RIMS2: variants seen among roughly 807,000 people sequenced by gnomAD.
The protein encoded by RIMS2 is regulating synaptic membrane exocytosis 2.
Under a neutral mutation model 174.4 loss-of-function variants are expected in RIMS2, and 59 were observed. The observed-to-expected ratio is 0.34, with a 90% CI of 0.27 to 0.42. The LOEUF (loss-of-function observed/expected upper bound fraction) is 0.42, where lower values mean the gene tolerates loss of function less well. Among genes scored for constraint, RIMS2 ranks in the 10% least tolerant of loss-of-function variants. RIMS2 has a pLI of 1.00. For missense variants in RIMS2, 1,620 were observed against 1,666.3 expected (o/e 0.97, Z 0.48); for synonymous variants, 606 against 572.5 (o/e 1.06, Z -0.84).
At position 103,906,597 on chromosome 8, in the gene RIMS2, G is replaced by A. The variant is rs190180950; in HGVS notation, c.1625-3537G>A. On this transcript the variant is annotated intron_variant, in intron 4 of 23. Coordinates refer to ENST00000504942, the Ensembl canonical transcript of RIMS2. ...GATGTTTTTGCTTTAGTTTCAAATG[G>A]TTAAACAGCTTATGTTTTTTTATTT... 2.6e-5 allele frequency among the ~76,000 whole-genome samples: 4 copies of A among 152,234 alleles called. No individual in the cohort carries two copies. In the East Asian group the frequency reaches 7.7e-4, roughly 29 times the overall value.
At chr8:103,619,999 C>T (rs1468457076) in intron 1 of RIMS2, among the ~76,000 whole-genome samples, 1 of 151,990 alleles carries the variant, frequency 6.6e-6, no homozygotes, top group Non-Finnish European at 1.5e-5. Context: ...TGCATTTTAC[C>T]TATAACAAAC....
intron 14 of RIMS2, among the ~76,000 whole-genome samples, chr8:103,958,699 G>A (rs139114726): frequency 6.6e-6 from 1 of 152,304 alleles, no homozygotes; most frequent in African/African-American, 2.4e-5. Flanking sequence ...AAGCCTCAGT[G>A]AGGAAGCCAA....
intron 16 of RIMS2, among the ~76,000 whole-genome samples, chr8:103,989,021 A>G (rs995786544): frequency 6.6e-6 from 1 of 152,106 alleles, no homozygotes; most frequent in African/African-American, 2.4e-5. Flanking sequence ...GTAGTCATCC[A>G]TATGATGGTT....
intron 1 of RIMS2, among the ~76,000 whole-genome samples, chr8:103,691,670 T>G (rs1184929856): frequency 6.6e-6 from 1 of 152,244 alleles, no homozygotes; most frequent in Admixed American, 6.5e-5. Flanking sequence ...TTTCTGTCTC[T>G]CTGGGATTGG....
intron 19 of RIMS2, among the ~76,000 whole-genome samples, chr8:104,051,480 T>A (rs1435503101): frequency 6.6e-6 from 1 of 151,886 alleles, no homozygotes; most frequent in Non-Finnish European, 1.5e-5. Flanking sequence ...TTTAAGGAAA[T>A]CTGTAAAAAT....
At chr8:104,041,804 A>T (rs1385703505) in intron 19 of RIMS2, among the ~76,000 whole-genome samples, 1 of 151,686 alleles carries the variant, frequency 6.6e-6, no homozygotes, top group Non-Finnish European at 1.5e-5. Context: ...TAATACCCTA[A>T]AAAAGCTATC....
At chr8:103,908,038 G>A (rs370967543) in intron 4 of RIMS2, among the ~76,000 whole-genome samples, 19 of 146,602 alleles carry the variant, frequency 1.3e-4, no homozygotes, top group Admixed American at 6.8e-4. Flanking sequence ...GTAAGCCACC[G>A]CGCCCGGCCT....
chr8:103,548,697 T>C (rs1846202539), intron 1 of RIMS2, among the ~76,000 whole-genome samples: 1 of 151,698 alleles, frequency 6.6e-6, no homozygotes, highest in South Asian at 2.1e-4. Flanking sequence ...AGAAATAAAA[T>C]GCATTTAAAT....
At chr8:103,802,328 A>G (rs950397280) in intron 3 of RIMS2, among the ~76,000 whole-genome samples, 2 of 152,228 alleles carry the variant, frequency 1.3e-5, no homozygotes, top group Non-Finnish European at 2.9e-5. Context: ...CAGATATATT[A>G]GCAGTAGAAG....
Position 104,131,483 on chromosome 8 carries a change from AAT to A in RIMS2, c.3335-113430_3335-113429del, listed in dbSNP as rs547099357. 4.1e-4 allele frequency among the ~76,000 whole-genome samples: 63 copies of A among 152,270 alleles called. No homozygotes were observed. The South Asian group carries it at 0.012, about 29-fold the overall frequency. ...GTTAATTAATACATTATTTAAAATA[AAT>A]ATGTTATATTTGATGATACATAGAC... On this transcript the variant is annotated intron_variant, in intron 19 of 23. Coordinates refer to ENST00000504942, the Ensembl canonical transcript of RIMS2.
intron 1 of RIMS2, among the ~76,000 whole-genome samples, chr8:103,612,230 A>G (rs10096428): frequency 0.06 from 9,092 of 152,214 alleles, 903 homozygotes; most frequent in African/African-American, 0.2. Flanking sequence ...TAAAATAGCT[A>G]TATTGAATTC....
chr8:103,772,988 A>G (rs1191337170), intron 3 of RIMS2, among the ~76,000 whole-genome samples: 1 of 152,174 alleles, frequency 6.6e-6, no homozygotes, highest in Admixed American at 6.5e-5. Flanking sequence ...AAATTATAAA[A>G]CTTCTGGAAG....
intron 19 of RIMS2, among the ~76,000 whole-genome samples, chr8:104,057,222 G>T (rs964532831): frequency 6.6e-6 from 1 of 151,392 alleles, no homozygotes; most frequent in Non-Finnish European, 1.5e-5. Context: ...ACATGCTACC[G>T]CCCCCAGCTA....
chr8:104,151,285 T>A lies in RIMS2; in HGVS notation c.3335-93631T>A, dbSNP rs536253711. On this transcript the variant is annotated intron_variant, in intron 19 of 23. Coordinates refer to ENST00000504942, the Ensembl canonical transcript of RIMS2. ...ATGGATATTGGAAGTATAAGAGGAG[T>A]GGTTGCGGCATGGTGACTGATGCCT... Among the ~76,000 whole-genome samples, 4 of 151,650 alleles carry A rather than the reference T, an allele frequency of 2.6e-5. No individual in the cohort carries two copies. The South Asian group carries it at 8.3e-4, about 32-fold the overall frequency.
intron 2 of RIMS2, among the ~76,000 whole-genome samples, chr8:103,725,246 G>T (rs537190212): frequency 6.6e-6 from 1 of 152,022 alleles, no homozygotes; most frequent in Admixed American, 6.5e-5. Context: ...AGTGTAACTT[G>T]TACATAATAA....
At chr8:103,574,436 C>T (rs777291214) in intron 1 of RIMS2, among the ~76,000 whole-genome samples, 1 of 152,108 alleles carries the variant, frequency 6.6e-6, no homozygotes, top group African/African-American at 2.4e-5. Context: ...ACAGCCTTGT[C>T]CTGAACTCCT....
intron 3 of RIMS2, chr8:103,768,829 G>T: frequency 1.6e-6 from 1 of 627,964 alleles, no homozygotes; most frequent in East Asian, 3.2e-5. Flanking sequence ...TACTCCATGT[G>T]TCCTGCAGCA....
chr8:103,782,179 T>G (rs1273297889), intron 3 of RIMS2, among the ~76,000 whole-genome samples: 1 of 152,018 alleles, frequency 6.6e-6, no homozygotes, highest in Non-Finnish European at 1.5e-5. Flanking sequence ...AGACACTGTC[T>G]GCAAATATAA....
At chr8:103,888,539 A>G (rs1036560022) in intron 4 of RIMS2, among the ~76,000 whole-genome samples, 2 of 151,592 alleles carry the variant, frequency 1.3e-5, no homozygotes, top group Admixed American at 6.6e-5. Flanking sequence ...TTTAGATTCT[A>G]TCTGGTAGGT....
Sources: gnomAD v4.1 joint callset for allele counts (sites outside exome capture counted in the v4.1 genomes callset) on GRCh38, gnomAD v4.1.1 for gene constraint, MANE v1.5 for transcripts, NCBI Gene and HGNC (gene_info 2026-07-23, HGNC 2026-07-21) for gene names.